The following SLCO4A1 variants were observed in gnomAD, a reference collection of about 807,000 sequenced individuals.
SLCO4A1 encodes the protein solute carrier organic anion transporter family member 4A1.
In SLCO4A1, 51 loss-of-function variants were observed where a neutral mutation model predicts 64.6. That is an observed-to-expected ratio of 0.79 (90% CI 0.63 to 1.00). The LOEUF is 1.00. Among genes scored for constraint, SLCO4A1 ranks in the 50% least tolerant of loss-of-function variants. The pLI is 0.00. For missense variants in SLCO4A1, 919 were observed against 980.5 expected, an observed-to-expected ratio of 0.94 and a Z score of 0.84; for synonymous variants, 471 against 444.9, an observed-to-expected ratio of 1.06 and a Z score of -0.74.
chr20:62,642,574 G>A, intron 1 of SLCO4A1, 21 bp downstream of exon 1: 2 of 191,430 alleles, frequency 1.0e-5, no homozygotes, highest in Non-Finnish European at 2.2e-5. Context: ...GGGGAGCGGG[G>A]AGCTGGCGCG....
chr20:62,649,046 C>G (rs1373190634), intron 1 of SLCO4A1: 1 of 152,316 alleles, frequency 6.6e-6, no homozygotes, highest in Non-Finnish European at 1.5e-5. Flanking sequence ...TCCTGAAGAC[C>G]TGGCTCAAGC....
chr20:62,656,403 C>G lies in SLCO4A1; in HGVS notation c.-52C>G. On this transcript the variant is annotated 5_prime_UTR_variant, in exon 2 of 12. Transcript: ENST00000217159. ...TACCACTTGGCCACTCCCGCTGAGG[C>G]CACTCCCACTGCGTGGCTGAAGCCT... The G allele has an allele frequency of 7.0e-7, 1 of 1,426,676 alleles. No homozygotes were observed. Among genetic ancestry groups the G allele is most frequent in the African/African-American group, 1.4e-5 (1 of 69,746 alleles). The allele number at this position is 1,426,676 out of a possible 1,614,324, so 88.4% of individuals were successfully genotyped here.
intron 2 of SLCO4A1, among the ~76,000 whole-genome samples, chr20:62,679,205 GACAA>G (rs1190305606): frequency 2.0e-5 from 3 of 152,150 alleles, no homozygotes; most frequent in Admixed American, 6.5e-5. Flanking sequence ...CTCTGTCTCA[GACAA>G]ACAAACAACA....
At chr20:62,658,827 G>T in intron 3 of SLCO4A1, 60 bp downstream of exon 3, 4 of 1,411,264 alleles carry the variant, frequency 2.8e-6, no homozygotes, top group South Asian at 2.5e-5. Context: ...CTGGAAGGGG[G>T]TTCAGAGTCA....
downstream of SLCO4A1, among the ~76,000 whole-genome samples, chr20:62,687,732 C>T (rs116543719): frequency 1.8e-4 from 27 of 152,304 alleles, no homozygotes; most frequent in African/African-American, 6.0e-4. Context: ...CACGGAAGGA[C>T]GACACCGGCT....
At chr20:62,654,892 G>C (rs982449629) in intron 1 of SLCO4A1, among the ~76,000 whole-genome samples, 1 of 152,154 alleles carries the variant, frequency 6.6e-6, no homozygotes, top group African/African-American at 2.4e-5. Flanking sequence ...TGCAAGGCCG[G>C]CCCCCCTCGG....
Position 62,671,963 on chromosome 20 carries a change from T to A in SLCO4A1, c.*70T>A. 6.2e-7 allele frequency: 1 copy of A among 1,600,154 alleles called. No individual in the cohort carries two copies. Reference sequence around the variant, plus strand: ...CTGATGACAGAACAGTGCCGTTGGGTGATGCAATCACACGGGAACTTCTAT... The same window carrying A: ...CTGATGACAGAACAGTGCCGTTGGGAGATGCAATCACACGGGAACTTCTAT... On this transcript the variant is annotated 3_prime_UTR_variant, in exon 12 of 12. Transcript: ENST00000217159.
intron 1 of SLCO4A1, among the ~76,000 whole-genome samples, chr20:62,654,936 C>T (rs540063447): frequency 1.3e-4 from 20 of 152,336 alleles, no homozygotes; most frequent in African/African-American, 4.6e-4. Flanking sequence ...TCCGGCCTCC[C>T]TCCCGGGCAG....
At position 62,661,155 on chromosome 20, in the gene SLCO4A1, A is replaced by G; in HGVS notation, c.1101A>G (p.Lys367=). The change falls in exon 5 of 12, where the codon AAA becomes AAG. Residue 367 remains lysine (K), a synonymous_variant. Coordinates refer to ENST00000217159, the MANE Select transcript of SLCO4A1 (RefSeq NM_016354.4). This position sits in a 1 kb window ranked among gnomAD's most constrained non-coding sequence, Gnocchi z 5.2. The part of the protein sequence containing the change: ...RGEASNPDFG[K]TIRDLPLSIW... The stretch of plus-strand genomic sequence containing the variant: ...AGGCGAGCAACCCGGACTTTGGGAA[A>G]ACCATCAGAGACCTGCCTCTGTAAG... The G allele has an allele frequency of 6.2e-7, 1 of 1,613,252 alleles. No individual in the cohort carries two copies.
At chr20:62,674,676 A>T (rs1216674168), downstream of SLCO4A1, among the ~76,000 whole-genome samples, 7 of 152,184 alleles carry the variant, frequency 4.6e-5, no homozygotes, top group African/African-American at 7.2e-5. Context: ...AGCATCCCCC[A>T]GTTCGTAGGT....
intron 6 of SLCO4A1, 75 bp downstream of exon 6, chr20:62,665,163 T>C: frequency 6.6e-7 from 1 of 1,504,608 alleles, no homozygotes; most frequent in Non-Finnish European, 9.0e-7. Flanking sequence ...GGGCATCTTC[T>C]AGAAAGACCC....
intron 6 of SLCO4A1, chr20:62,665,583 A>T (rs1986012523): frequency 6.5e-6 from 1 of 154,418 alleles, no homozygotes; most frequent in African/African-American, 2.4e-5. Flanking sequence ...GGTGCCAGGC[A>T]TGTGGGCCAC....
downstream of SLCO4A1, among the ~76,000 whole-genome samples, chr20:62,675,400 C>CAAGAGCTGCGG (rs956328128): frequency 2.0e-5 from 3 of 152,174 alleles, no homozygotes; most frequent in Non-Finnish European, 2.9e-5. Flanking sequence ...AGGCAGCTCC[C>CAAGAGCTGCGG]AAGAGCTGCG....
intron 8 of SLCO4A1, 26 bp downstream of exon 8, chr20:62,667,936 CCT>C (rs1986665926): frequency 1.2e-6 from 2 of 1,614,004 alleles, no homozygotes; most frequent in Non-Finnish European, 1.7e-6. Flanking sequence ...GCCTACCGCC[CCT>C]GTCCTCCCCT....
In SLCO4A1 at chr20:62,666,418, C is replaced by T. The variant is rs1328946122; in HGVS notation, c.1315C>T (p.Leu439=). 6.2e-7 allele frequency: 1 copy of T among 1,613,186 alleles called. No homozygotes were observed. Among genetic ancestry groups the T allele is most frequent in the Admixed American group, 1.7e-5 (1 of 60,012 alleles). ...VVPAGGGGTF[L]GGFFVNKLRL... is the part of the protein sequence containing the mutation. Reference sequence around the variant, plus strand: ...GCCAGCGGGTGGTGGCGGCACCTTCCTGGGCGGCTTCTTTGTGAACAAGCT... The same window carrying T: ...GCCAGCGGGTGGTGGCGGCACCTTCTTGGGCGGCTTCTTTGTGAACAAGCT... Residue 439 remains leucine, a synonymous_variant, in exon 7 of 12, where the codon CTG becomes TTG. Transcript: ENST00000217159.
chr20:62,674,578 G>C (rs1038904570), downstream of SLCO4A1, among the ~76,000 whole-genome samples: 1 of 152,222 alleles, frequency 6.6e-6, no homozygotes, highest in African/African-American at 2.4e-5. Flanking sequence ...CTGACTCACA[G>C]ATGACGATTC....
rs569064562 is a variant in SLCO4A1 at position 62,644,100 on chromosome 20, C to T, written c.-97+1547C>T. ...AACAGCGTCCCAAGAGCTGGGCCTG[C>T]GGTTACTGGGCCAGAGTGTCTGTTC... On this transcript the variant is annotated intron_variant, in intron 1 of 11. Transcript: ENST00000217159. This position sits in a 1 kb window ranked among gnomAD's most constrained non-coding sequence, Gnocchi z 5.4. 5.9e-5 allele frequency among the ~76,000 whole-genome samples: 9 copies of T among 152,332 alleles called. No individual in the cohort carries two copies. In the East Asian group the frequency reaches 1.5e-3, roughly 26 times the overall value.
downstream of SLCO4A1, among the ~76,000 whole-genome samples, chr20:62,676,713 G>A (rs568060952): frequency 3.0e-4 from 45 of 152,334 alleles, 1 homozygote; most frequent in South Asian, 8.5e-3. Flanking sequence ...TGGCACAGCC[G>A]CTTTGGAAAA....
At chr20:62,669,654 C>T (rs1986962283) in intron 11 of SLCO4A1, among the ~76,000 whole-genome samples, 1 of 152,164 alleles carries the variant, frequency 6.6e-6, no homozygotes, top group Non-Finnish European at 1.5e-5. Context: ...CCCCATTAGA[C>T]GATAAAGCAC....
Sources: gnomAD v4.1 joint callset for allele counts (sites outside exome capture counted in the v4.1 genomes callset) on GRCh38, gnomAD v4.1.1 for gene constraint, Gnocchi (gnomAD v3.1) non-coding constraint, MANE v1.5 for transcripts, NCBI Gene and HGNC (gene_info 2026-07-23, HGNC 2026-07-21) for gene names.